The following SUCLG2 variants were observed in gnomAD, a reference collection of about 807,000 sequenced individuals.
The protein encoded by SUCLG2 is succinate-CoA ligase GDP-forming subunit beta.
A neutral mutation model predicts 47.9 loss-of-function variants in SUCLG2; 42 were observed. That is an observed-to-expected ratio of 0.88 (90% confidence interval 0.69 to 1.14). The LOEUF (loss-of-function observed/expected upper bound fraction) is 1.14. Among genes scored for constraint, SUCLG2 ranks in the 50% most tolerant of loss-of-function variants. The pLI, the probability that SUCLG2 is intolerant of heterozygous loss-of-function variation, is 0.00. For missense variants in SUCLG2, 571 were observed against 525.9 expected, an observed-to-expected ratio of 1.09 and a Z score of -0.84; for synonymous variants, 195 against 197.3, an observed-to-expected ratio of 0.99 and a Z score of 0.10.
intron 9 of SUCLG2, among the ~76,000 whole-genome samples, chr3:67,457,856 T>C (rs1704227831): frequency 2.6e-5 from 4 of 152,126 alleles, no homozygotes; most frequent in Admixed American, 1.3e-4. Context: ...ATAATGAACC[T>C]TGTCAACGTT....
chr3:67,650,122 T>C (rs1272922624), intron 1 of SUCLG2, among the ~76,000 whole-genome samples: 1 of 152,202 alleles, frequency 6.6e-6, no homozygotes, highest in Non-Finnish European at 1.5e-5. Flanking sequence ...AAAGCAGAAA[T>C]TGCAGCTGTA....
chr3:67,500,564 C>G (rs1208066161), intron 7 of SUCLG2, among the ~76,000 whole-genome samples: 1 of 152,176 alleles, frequency 6.6e-6, no homozygotes. Flanking sequence ...CCTACAATTA[C>G]CAAACGAATT....
chr3:67,441,626 G>A (rs1458057501), intron 9 of SUCLG2, among the ~76,000 whole-genome samples: 1 of 152,152 alleles, frequency 6.6e-6, no homozygotes, highest in Non-Finnish European at 1.5e-5. Flanking sequence ...GATAATAGAT[G>A]TTGTTCTAAG....
At chr3:67,514,405 T>G in intron 6 of SUCLG2, 1 of 291,830 alleles carries the variant, frequency 3.4e-6, no homozygotes, top group Non-Finnish European at 7.0e-6. Flanking sequence ...GTTAAGAATT[T>G]TAAATATTTT....
intron 9 of SUCLG2, among the ~76,000 whole-genome samples, chr3:67,412,486 C>A (rs7620241): frequency 2.0e-5 from 3 of 151,900 alleles, no homozygotes; most frequent in South Asian, 2.1e-4. Context: ...CTTTTGCAAC[C>A]TCCTCTTGGC....
intron 2 of SUCLG2, among the ~76,000 whole-genome samples, chr3:67,577,428 A>G (rs1427735537): frequency 6.6e-6 from 1 of 152,244 alleles, no homozygotes; most frequent in Non-Finnish European, 1.5e-5. Flanking sequence ...TCATAAGTTT[A>G]AGTAGAATCA....
chr3:67,424,676 C>T (rs757975817), intron 9 of SUCLG2, among the ~76,000 whole-genome samples: 2 of 152,072 alleles, frequency 1.3e-5, no homozygotes, highest in Non-Finnish European at 2.9e-5. Context: ...CCTGGCAAGT[C>T]ATAAGAGCTC....
chr3:67,652,112 G>T (rs1184860146), intron 1 of SUCLG2, among the ~76,000 whole-genome samples: 3 of 149,386 alleles, frequency 2.0e-5, no homozygotes, highest in Non-Finnish European at 4.4e-5. Flanking sequence ...ACCCTTTAAG[G>T]ACGTACTATC....
rs186797194 is a variant in SUCLG2, at chr3:67,543,339, C to T, written c.227-14153G>A. ...ATACACCTGTAAACAGTTACATAGT[C>T]GTAATAAAATCTAAATAACCAAGGT... On this transcript the variant is annotated intron_variant, in intron 2 of 10. Coordinates refer to ENST00000307227, the MANE Select transcript of SUCLG2 (RefSeq NM_003848.4). Among the ~76,000 whole-genome samples, 573 of 152,248 alleles carry T rather than the reference C, an allele frequency of 3.8e-3. 2 individuals carry two copies. Among genetic ancestry groups the T allele is most frequent in the African/African-American group, 0.013 (523 of 41,550 alleles).
chr3:67,594,068 G>A (rs536425206), intron 2 of SUCLG2, among the ~76,000 whole-genome samples: 1 of 152,204 alleles, frequency 6.6e-6, no homozygotes, highest in Non-Finnish European at 1.5e-5. Context: ...AGGAGGATGA[G>A]AGGCACGTGG....
At chr3:67,453,753 C>T (rs1312053256) in intron 9 of SUCLG2, among the ~76,000 whole-genome samples, 1 of 152,214 alleles carries the variant, frequency 6.6e-6, no homozygotes, top group African/African-American at 2.4e-5. Flanking sequence ...AGAGGGGCCA[C>T]ATCAAGCCTT....
chr3:67,652,997 T>C (rs1005626541), intron 1 of SUCLG2, among the ~76,000 whole-genome samples: 1 of 152,250 alleles, frequency 6.6e-6, no homozygotes, highest in African/African-American at 2.4e-5. Flanking sequence ...AACAGATCTT[T>C]TTACCCAGTT....
At chr3:67,471,087 G>A (rs539187273) in intron 9 of SUCLG2, among the ~76,000 whole-genome samples, 15 of 152,304 alleles carry the variant, frequency 9.8e-5, no homozygotes, top group African/African-American at 3.1e-4. Context: ...ACACTGTTGG[G>A]ATCAGAGTGG....
intron 7 of SUCLG2, among the ~76,000 whole-genome samples, chr3:67,503,077 T>C (rs927653465): frequency 2.0e-5 from 3 of 152,164 alleles, no homozygotes; most frequent in Non-Finnish European, 4.4e-5. Context: ...CTCGTTCATA[T>C]TGCCTATGGC....
chr3:67,588,558 C>T (rs1708081446), intron 2 of SUCLG2, among the ~76,000 whole-genome samples: 1 of 152,176 alleles, frequency 6.6e-6, no homozygotes, highest in Non-Finnish European at 1.5e-5. Context: ...ACATTACTTA[C>T]ATTACTATAA....
chr3:67,361,281 A>G (rs1701800563), intron 10 of SUCLG2, among the ~76,000 whole-genome samples: 2 of 152,196 alleles, frequency 1.3e-5, no homozygotes, highest in Admixed American at 1.3e-4. Flanking sequence ...ATGTGTAACT[A>G]TATCAAAGGA....
In SUCLG2 at chr3:67,654,299, G is replaced by C. The variant is rs758581953; in HGVS notation, c.84+204C>G. ...GGGTCGCTCATACCCCGAGGCACCCGGGGCTGCCGCCGCGCCGCCCCTGCC... is the reference window on the plus strand; with the variant it reads ...GGGTCGCTCATACCCCGAGGCACCCCGGGCTGCCGCCGCGCCGCCCCTGCC... On this transcript the variant is annotated intron_variant, in intron 1 of 10. Coordinates refer to ENST00000307227, the MANE Select transcript of SUCLG2 (RefSeq NM_003848.4). 5.6e-4 allele frequency among the ~76,000 whole-genome samples: 86 copies of C among 152,318 alleles called. 1 individual carries two copies. Among genetic ancestry groups the C allele is most frequent in the Non-Finnish European group, 8.2e-4 (56 of 68,016 alleles).
chr3:67,537,604 C>T (rs145034754), intron 2 of SUCLG2, among the ~76,000 whole-genome samples: 292 of 152,258 alleles, frequency 1.9e-3, no homozygotes, highest in Non-Finnish European at 3.8e-3. Context: ...ATTGCTTGGT[C>T]AAATGGCAAT....
chr3:67,555,859 A>C (rs1707147211), intron 2 of SUCLG2, among the ~76,000 whole-genome samples: 1 of 152,244 alleles, frequency 6.6e-6, no homozygotes, highest in South Asian at 2.1e-4. Flanking sequence ...ATCTCCCCAC[A>C]AAATTCAAAT....
Sources: gnomAD v4.1 joint callset for allele counts (sites outside exome capture counted in the v4.1 genomes callset) on GRCh38, gnomAD v4.1.1 for gene constraint, MANE v1.5 for transcripts, NCBI Gene and HGNC (gene_info 2026-07-23, HGNC 2026-07-21) for gene names.